The following SCAI variants were observed in gnomAD, a reference collection of about 807,000 sequenced individuals.
The protein encoded by SCAI is protein SCAI.
In SCAI, 24 loss-of-function variants were observed where a neutral mutation model predicts 92.2. The observed-to-expected ratio is 0.26, with a 90% CI of 0.19 to 0.37. The LOEUF is 0.37. SCAI is among the 10% of genes least tolerant of loss of function. The pLI is 1.00. For missense variants in SCAI, 450 were observed against 736.2 expected (o/e 0.61, Z 4.50); for synonymous variants, 261 against 258.6 (o/e 1.01, Z -0.09).
chr9:125,103,008 T>C (rs957865739), intron 2 of SCAI, among the ~76,000 whole-genome samples: 2 of 152,170 alleles, frequency 1.3e-5, no homozygotes, highest in Non-Finnish European at 2.9e-5. Flanking sequence ...CCTCACTGCT[T>C]GTTTCCTTCT....
chr9:124,989,766 C>T (rs1832079224), intron 14 of SCAI, among the ~76,000 whole-genome samples: 2 of 150,272 alleles, frequency 1.3e-5, no homozygotes, highest in Non-Finnish European at 1.5e-5. Context: ...GCCTGTAATC[C>T]AAGCTACTCA....
In SCAI at chr9:125,003,197, T is replaced by C. The variant is rs371292629; in HGVS notation, c.982A>G (p.Thr328Ala). 6 of 1,613,380 alleles carry C rather than the reference T, an allele frequency of 3.7e-6. No individual in the cohort carries two copies. In the African/African-American group the frequency reaches 5.3e-5, roughly 14 times the overall value. Reference protein sequence around the residue: ...PGMQESADKPTRRENPHKYLL... With the variant: ...PGMQESADKPARRENPHKYLL... ...TACTTGTGGGGGTTTTCTCGTCTAGTAGGCTTGTCAGCTGATTCCTATATT... is the reference window on the plus strand; with the variant it reads ...TACTTGTGGGGGTTTTCTCGTCTAGCAGGCTTGTCAGCTGATTCCTATATT... The change falls in exon 11 of 18, where the codon ACT (threonine) becomes GCT (alanine). Residue 328 changes from threonine to alanine, a missense_variant. Physicochemically the swap from Thr to Ala is moderately conservative, Grantham distance 58. Coordinates refer to ENST00000336505, the MANE Select transcript of SCAI (RefSeq NM_001144877.3).
chr9:124,970,347 C>A (rs186425733), intron 17 of SCAI, among the ~76,000 whole-genome samples: 18 of 151,918 alleles, frequency 1.2e-4, no homozygotes, highest in African/African-American at 3.9e-4. Flanking sequence ...AGAATACATA[C>A]AATATGGATT....
intron 2 of SCAI, among the ~76,000 whole-genome samples, chr9:125,062,157 G>A (rs1021451297): frequency 6.0e-5 from 9 of 151,216 alleles, no homozygotes; most frequent in Admixed American, 2.0e-4. Context: ...ACAGGGTCTC[G>A]CTATGTTGCC....
chr9:125,062,281 G>A (rs1229292864), intron 2 of SCAI, among the ~76,000 whole-genome samples: 2 of 151,306 alleles, frequency 1.3e-5, no homozygotes, highest in Non-Finnish European at 2.9e-5. Context: ...ACACCACCAT[G>A]CTCGGCTAAT....
At chr9:125,046,329 A>AT (rs1564391946) in intron 3 of SCAI, among the ~76,000 whole-genome samples, 1 of 41,034 alleles carries the variant, frequency 2.4e-5, no homozygotes, top group Non-Finnish European at 4.6e-5. Flanking sequence ...ACACACACAC[A>AT]CACATATATA....
intron 2 of SCAI, among the ~76,000 whole-genome samples, chr9:125,134,877 T>C (rs986008669): frequency 6.6e-6 from 1 of 151,918 alleles, no homozygotes; most frequent in Non-Finnish European, 1.5e-5. Flanking sequence ...GGTTTCTCCA[T>C]GTTGGTCAGG....
At position 125,091,877 on chromosome 9, in the gene SCAI, C is replaced by T. The variant is rs571724846; in HGVS notation, c.99-35870G>A. On this transcript the variant is annotated intron_variant, in intron 2 of 17. Coordinates refer to ENST00000336505, the MANE Select transcript of SCAI (RefSeq NM_001144877.3). The surrounding 1 kb of genome is among the most constrained non-coding windows in gnomAD (Gnocchi z 4.3). The stretch of plus-strand genomic sequence containing the variant: ...CTGTAATCCCAGCACTGCGGGAGGC[C>T]GAGGCGAGCAGATCACGAGGTCAGG... Among the ~76,000 whole-genome samples the T allele has an allele frequency of 3.3e-5, 5 of 152,134 alleles. No homozygotes were observed. Among genetic ancestry groups the T allele is most frequent in the Admixed American group, 1.3e-4 (2 of 15,270 alleles).
intron 17 of SCAI, among the ~76,000 whole-genome samples, chr9:124,962,172 C>G (rs10986499): frequency 0.62 from 58,001 of 92,946 alleles, 16,387 homozygotes; most frequent in African/African-American, 0.67. Flanking sequence ...TTTTTTTTTG[C>G]GGGGGGGGAT....
rs549661976 is a variant in SCAI, at chr9:125,110,932, C to T, written c.98+31701G>A. Among the ~76,000 whole-genome samples, 132 of 152,238 alleles carry T rather than the reference C, an allele frequency of 8.7e-4. 1 individual carries two copies. The highest frequency in any genetic ancestry group is 3.0e-3 in the African/African-American group (126 of 41,540). ...ATGCTTCCTGAACAGCCTGTGGAAC[C>T]GTGAACCAATTAAACCGCTTCTCTT... On this transcript the variant is annotated intron_variant, in intron 2 of 17. Coordinates refer to ENST00000336505, the MANE Select transcript of SCAI (RefSeq NM_001144877.3).
intron 9 of SCAI, among the ~76,000 whole-genome samples, chr9:125,011,790 G>A (rs1269459960): frequency 2.0e-5 from 3 of 152,160 alleles, no homozygotes; most frequent in East Asian, 1.9e-4. Flanking sequence ...TAGAAAGGTC[G>A]GGTTACCACA....
intron 9 of SCAI, among the ~76,000 whole-genome samples, chr9:125,011,679 G>A (rs1312919349): frequency 6.6e-6 from 1 of 152,172 alleles, no homozygotes; most frequent in Non-Finnish European, 1.5e-5. Context: ...GAAATACAGA[G>A]AATGCCACAA....
intron 9 of SCAI, among the ~76,000 whole-genome samples, chr9:125,013,294 A>C (rs1199015661): frequency 2.6e-5 from 4 of 152,172 alleles, no homozygotes; most frequent in Non-Finnish European, 5.9e-5. Context: ...AAGACTAATA[A>C]AGAAGAAAAG....
chr9:125,055,988 CTTT>C lies in SCAI; in HGVS notation c.115_117del (p.Lys39del). 1 of 1,608,420 alleles carries C rather than the reference CTTT, an allele frequency of 6.2e-7. No individual in the cohort carries two copies. The highest frequency in any genetic ancestry group is 8.5e-7 in the Non-Finnish European group (1 of 1,176,816). On this transcript the variant is annotated inframe_deletion, in exon 3 of 18. Transcript: ENST00000336505. ...TCAGCACCTCCAGAGGACATGATTT[CTTT>C]AAGAGCAAATTCAGTCCTGTAAGAA... is the stretch of plus-strand genomic sequence containing the variant.
chr9:125,032,444 G>A (rs1161296511), intron 3 of SCAI, among the ~76,000 whole-genome samples: 8 of 151,062 alleles, frequency 5.3e-5, no homozygotes, highest in African/African-American at 9.8e-5. Flanking sequence ...CACTCGCCTC[G>A]GCCTCCTAAA....
intron 14 of SCAI, among the ~76,000 whole-genome samples, chr9:124,982,523 T>C (rs769317790): frequency 2.6e-5 from 4 of 151,306 alleles, no homozygotes; most frequent in Admixed American, 6.6e-5. Flanking sequence ...AATAAAAAAA[T>C]AAAAAAATTA....
At chr9:125,112,264 C>T (rs1834945949) in intron 2 of SCAI, among the ~76,000 whole-genome samples, 1 of 152,018 alleles carries the variant, frequency 6.6e-6, no homozygotes, top group Non-Finnish European at 1.5e-5. Context: ...AATAATTTAA[C>T]TGCGTGCCAA....
chr9:125,090,317 A>C (rs1046737996), intron 2 of SCAI, among the ~76,000 whole-genome samples: 1 of 152,084 alleles, frequency 6.6e-6, no homozygotes, highest in East Asian at 1.9e-4. Context: ...AAGAAGAGGA[A>C]GGAGAGGAAA....
At chr9:125,038,612 A>C (rs1004108630) in intron 3 of SCAI, among the ~76,000 whole-genome samples, 2 of 152,214 alleles carry the variant, frequency 1.3e-5, no homozygotes, top group African/African-American at 2.4e-5. Context: ...AACTTTTCTG[A>C]ATTCTCCATC....
Sources: allele counts gnomAD v4.1 joint callset (sites outside exome capture counted in the v4.1 genomes callset), GRCh38; gene constraint gnomAD v4.1.1; non-coding constraint Gnocchi (gnomAD v3.1); transcripts MANE v1.5; gene names NCBI Gene and HGNC (gene_info 2026-07-23, HGNC 2026-07-21).